Variants in GARIN1A observed in about 807,000 individuals in gnomAD.
GARIN1A encodes the protein golgi associated RAB2 interactor 1A.
At chr7:128,699,883 C>T in the GARIN1A span, among the ~76,000 whole-genome samples, 1 of 152,072 alleles carries the variant, frequency 6.6e-6, no homozygotes, top group African/African-American at 2.4e-5. Flanking sequence ...TAGCTTGAGA[C>T]TATTATATTT....
chr7:128,672,649 A>AGGGGGG, the GARIN1A span: 6 of 124,336 alleles, frequency 4.8e-5, no homozygotes, highest in South Asian at 1.0e-4. Context: ...GCCCTGGGGG[A>AGGGGGG]GGGGGGGGCG....
chr7:128,675,645 C>CT, the GARIN1A span: 7 of 1,611,086 alleles, frequency 4.3e-6, no homozygotes, highest in Non-Finnish European at 5.9e-6. Flanking sequence ...CTGCTCCTTT[C>CT]TGACCCATGT....
At chr7:128,677,283 G>A in the GARIN1A span, among the ~76,000 whole-genome samples, 6 of 151,570 alleles carry the variant, frequency 4.0e-5, no homozygotes, top group African/African-American at 7.3e-5. Context: ...CGAGGCGGGC[G>A]GATCACGAGG....
chr7:128,689,225 C>T, the GARIN1A span, among the ~76,000 whole-genome samples: 1 of 152,178 alleles, frequency 6.6e-6, no homozygotes, highest in Admixed American at 6.5e-5. Flanking sequence ...GCCGCCACCC[C>T]GTCTGGGAAG....
the GARIN1A span, among the ~76,000 whole-genome samples, chr7:128,692,951 T>C: frequency 2.6e-5 from 4 of 152,232 alleles, no homozygotes; most frequent in Non-Finnish European, 4.4e-5. Flanking sequence ...TAAAGCTTCA[T>C]AATTTAAAAT....
chr7:128,675,589 A>G, the GARIN1A span: 1 of 1,431,064 alleles, frequency 7.0e-7, no homozygotes, highest in East Asian at 2.3e-5. Flanking sequence ...ACCTGCCCCC[A>G]AGATGATGTG....
chr7:128,688,353 CA>C, the GARIN1A span, among the ~76,000 whole-genome samples: 1 of 152,142 alleles, frequency 6.6e-6, no homozygotes. Flanking sequence ...ACTTCTAGAC[CA>C]AACAGTAAAT....
chr7:128,689,396 A>T, the GARIN1A span, among the ~76,000 whole-genome samples: 1 of 148,788 alleles, frequency 6.7e-6, no homozygotes. Flanking sequence ...AGATGTGGGG[A>T]GCGCCTCTGC....
chr7:128,680,494 G>A, the GARIN1A span, among the ~76,000 whole-genome samples: 1 of 151,958 alleles, frequency 6.6e-6, no homozygotes, highest in Non-Finnish European at 1.5e-5. Flanking sequence ...AGGATCCCTG[G>A]GGTAAAACCC....
At chr7:128,708,216 A>G in the GARIN1A span, among the ~76,000 whole-genome samples, 1 of 147,276 alleles carries the variant, frequency 6.8e-6, no homozygotes, top group African/African-American at 2.5e-5. Flanking sequence ...TAGTAGAGAC[A>G]AGTTCTCACT....
At chr7:128,672,403 T>C in the GARIN1A span, 2 of 1,606,412 alleles carry the variant, frequency 1.2e-6, no homozygotes, top group Admixed American at 3.4e-5. Context: ...AACCAATGAG[T>C]AAAATCAGGG....
chr7:128,682,751 A>G, the GARIN1A span, among the ~76,000 whole-genome samples: 1 of 151,902 alleles, frequency 6.6e-6, no homozygotes, highest in African/African-American at 2.4e-5. Context: ...TAATTTTTGT[A>G]TTTTTAGTAC....
At chr7:128,672,563 A>C in the GARIN1A span, 2 of 1,497,608 alleles carry the variant, frequency 1.3e-6, no homozygotes, top group Non-Finnish European at 1.8e-6. Context: ...ACCCTCGTGG[A>C]GCTCAGGGCC....
chr7:128,693,955 CCTGT>C, the GARIN1A span: 1 of 152,448 alleles, frequency 6.6e-6, no homozygotes, highest in Admixed American at 6.5e-5. Flanking sequence ...TCCACGGCTG[CCTGT>C]CTTTTACAGA....
the GARIN1A span, among the ~76,000 whole-genome samples, chr7:128,700,002 C>G: frequency 1.3e-5 from 2 of 152,166 alleles, no homozygotes; most frequent in African/African-American, 4.8e-5. Flanking sequence ...ATTTGACTAA[C>G]ATTAATATAG....
the GARIN1A span, chr7:128,680,053 C>T: frequency 3.8e-6 from 6 of 1,568,946 alleles, no homozygotes; most frequent in African/African-American, 1.4e-5. Flanking sequence ...CTCCTGTCAT[C>T]CCCCCAGCCC....
At chr7:128,677,384 G>T in the GARIN1A span, among the ~76,000 whole-genome samples, 1 of 151,728 alleles carries the variant, frequency 6.6e-6, no homozygotes, top group Non-Finnish European at 1.5e-5. Context: ...GCGGGCGCCT[G>T]TAGTCCCAGC....
the GARIN1A span, among the ~76,000 whole-genome samples, chr7:128,689,257 C>T: frequency 1.3e-5 from 2 of 151,896 alleles, no homozygotes; most frequent in Non-Finnish European, 1.5e-5. Flanking sequence ...TCTGCCTAGC[C>T]GCCCATCGTC....
the GARIN1A span, among the ~76,000 whole-genome samples, chr7:128,688,550 G>A: frequency 8.6e-5 from 13 of 151,924 alleles, no homozygotes; most frequent in Non-Finnish European, 1.3e-4. Flanking sequence ...CTCTTGCTTT[G>A]ACTGGGTTCA....
Sources: allele counts gnomAD v4.1 joint callset (sites outside exome capture counted in the v4.1 genomes callset), GRCh38; gene constraint gnomAD v4.1.1; transcripts MANE v1.5; gene names NCBI Gene and HGNC (gene_info 2026-07-23, HGNC 2026-07-21).